Variants in DGKB observed in about 807,000 individuals in gnomAD.
DGKB encodes the protein 90 kDa diacylglycerol kinase.
In DGKB, 67 loss-of-function variants were observed where a neutral mutation model predicts 114.3. The ratio of observed to expected loss-of-function variants is 0.59; its 90% CI spans 0.48 to 0.72. The LOEUF (loss-of-function observed/expected upper bound fraction) is 0.72. DGKB is among the 30% of genes least tolerant of loss of function. The pLI, the probability that DGKB is intolerant of heterozygous loss-of-function variation, is 0.00. For missense variants in DGKB, 907 were observed against 975.2 expected (o/e 0.93, Z 0.93); for synonymous variants, 398 against 323.1 (o/e 1.23, Z -2.49).
At chr7:14,621,140 C>T (rs1284043693) in intron 15 of DGKB, 1 of 392,622 alleles carries the variant, frequency 2.5e-6, no homozygotes, top group Non-Finnish European at 4.5e-6. Context: ...CAAAAGATCT[C>T]TTGCCAATTT....
At chr7:14,686,403 C>T (rs1339373362) in intron 9 of DGKB, among the ~76,000 whole-genome samples, 2 of 152,082 alleles carry the variant, frequency 1.3e-5, no homozygotes, top group African/African-American at 4.8e-5. Flanking sequence ...GTAGTCTAAT[C>T]ATCAAATTAT....
At chr7:14,552,169 T>C (rs1217574121) in intron 20 of DGKB, among the ~76,000 whole-genome samples, 1 of 152,166 alleles carries the variant, frequency 6.6e-6, no homozygotes, top group Non-Finnish European at 1.5e-5. Flanking sequence ...TGCAAGGGAA[T>C]ATGCTTGTGT....
At chr7:14,844,772 T>G (rs1848407756) in intron 1 of DGKB, among the ~76,000 whole-genome samples, 1 of 152,056 alleles carries the variant, frequency 6.6e-6, no homozygotes, top group African/African-American at 2.4e-5. Flanking sequence ...AATAATTATC[T>G]TAATTATATC....
chr7:14,678,441 C>A (rs1221705593), intron 12 of DGKB, among the ~76,000 whole-genome samples: 1 of 152,018 alleles, frequency 6.6e-6, no homozygotes, highest in Non-Finnish European at 1.5e-5. Flanking sequence ...CAGGTGCATT[C>A]AAGGGACCGG....
chr7:14,854,079 A>C (rs891005621), intron 1 of DGKB, among the ~76,000 whole-genome samples: 3 of 152,096 alleles, frequency 2.0e-5, no homozygotes, highest in Admixed American at 1.3e-4. Flanking sequence ...CCAAAAGTCT[A>C]TCTGCATATG....
At chr7:14,468,339 T>G (rs1002780963) in intron 21 of DGKB, among the ~76,000 whole-genome samples, 19 of 152,096 alleles carry the variant, frequency 1.2e-4, no homozygotes, top group African/African-American at 4.6e-4. Context: ...AATTGAATTT[T>G]GTTGCAGTTG....
chr7:14,797,044 G>C (rs1459612511), intron 2 of DGKB, among the ~76,000 whole-genome samples: 1 of 152,136 alleles, frequency 6.6e-6, no homozygotes, highest in Non-Finnish European at 1.5e-5. Flanking sequence ...CTAAATGGTT[G>C]GTATCATTGC....
At chr7:14,874,790 A>T (rs887300580) in intron 1 of DGKB, among the ~76,000 whole-genome samples, 1 of 152,122 alleles carries the variant, frequency 6.6e-6, no homozygotes, top group Non-Finnish European at 1.5e-5. Context: ...TTCCAAATCA[A>T]TTCCCCCACA....
chr7:14,427,122 A>T (rs1827696030), intron 21 of DGKB, among the ~76,000 whole-genome samples: 1 of 152,068 alleles, frequency 6.6e-6, no homozygotes, highest in Non-Finnish European at 1.5e-5. Flanking sequence ...GAGCATCAGG[A>T]TAAATAGCTA....
At chr7:14,962,740 A>C (rs560822658) in intron 1 of DGKB, among the ~76,000 whole-genome samples, 211 of 152,092 alleles carry the variant, frequency 1.4e-3, no homozygotes, top group African/African-American at 4.9e-3. Context: ...GTTTCTTACA[A>C]TGATTTCAAG....
At chr7:14,973,210 T>G (rs952427788) in intron 1 of DGKB, among the ~76,000 whole-genome samples, 1 of 151,986 alleles carries the variant, frequency 6.6e-6, no homozygotes, top group African/African-American at 2.4e-5. Context: ...TCTGAATATA[T>G]TTCTTCTCTA....
upstream of DGKB, among the ~76,000 whole-genome samples, chr7:14,906,447 C>CTTT (rs34250901): frequency 3.2e-3 from 333 of 103,864 alleles, no homozygotes; most frequent in Middle Eastern, 6.8e-3. Flanking sequence ...TTTTTTCTGT[C>CTTT]TTTTTTTTTT....
chr7:14,648,052 G>A (rs1448826801), intron 13 of DGKB, among the ~76,000 whole-genome samples: 2 of 152,208 alleles, frequency 1.3e-5, no homozygotes, highest in Non-Finnish European at 2.9e-5. Flanking sequence ...CTGCAAGGCG[G>A]CAGCGAGGCT....
intron 23 of DGKB, among the ~76,000 whole-genome samples, chr7:14,286,549 C>G (rs1217052123): frequency 6.6e-6 from 1 of 152,058 alleles, no homozygotes; most frequent in Non-Finnish European, 1.5e-5. Flanking sequence ...GGTAAATAGT[C>G]ACATAATGGA....
intron 23 of DGKB, among the ~76,000 whole-genome samples, chr7:14,317,548 G>T (rs535784007): frequency 0.045 from 6,751 of 151,148 alleles, 465 homozygotes; most frequent in African/African-American, 0.15. Context: ...GCTTCAAAGA[G>T]AATAAAAGAC....
chr7:14,724,662 G>C (rs10233046), intron 5 of DGKB, among the ~76,000 whole-genome samples: 3,529 of 152,274 alleles, frequency 0.023, 137 homozygotes, highest in African/African-American at 0.081. Context: ...AGCTCTGGTT[G>C]TGTGCAAACA....
At chr7:14,796,224 G>A (rs1348238247) in intron 2 of DGKB, among the ~76,000 whole-genome samples, 1 of 152,130 alleles carries the variant, frequency 6.6e-6, no homozygotes, top group African/African-American at 2.4e-5. Context: ...AAGGCCCACA[G>A]TAGAGGACCA....
intron 1 of DGKB, among the ~76,000 whole-genome samples, chr7:14,941,339 T>C (rs1785561188): frequency 6.6e-6 from 1 of 152,100 alleles, no homozygotes; most frequent in African/African-American, 2.4e-5. Flanking sequence ...ACAGAAGTAT[T>C]TGATATGTGA....
chr7:14,801,800 A>T (rs1842177571), intron 2 of DGKB, among the ~76,000 whole-genome samples: 2 of 151,910 alleles, frequency 1.3e-5, no homozygotes, highest in Non-Finnish European at 2.9e-5. Flanking sequence ...GCTCATAATA[A>T]ATTAGTTTCT....
Sources: gnomAD v4.1 joint callset for allele counts (sites outside exome capture counted in the v4.1 genomes callset) on GRCh38, gnomAD v4.1.1 for gene constraint, MANE v1.5 for transcripts, NCBI Gene and HGNC (gene_info 2026-07-23, HGNC 2026-07-21) for gene names.